The following GFRA1 variants were observed in gnomAD, a reference collection of about 807,000 sequenced individuals.
The protein encoded by GFRA1 is GDNF family receptor alpha 1.
In GFRA1, 16 loss-of-function variants were observed where a neutral mutation model predicts 51.6. That is an observed-to-expected ratio of 0.31 (90% CI 0.21 to 0.47). The LOEUF is 0.47. Ranked by LOEUF, GFRA1 falls within the 20% of genes least tolerant of loss-of-function variation. GFRA1 has a pLI of 1.00. For missense variants in GFRA1, 530 were observed against 594.3 expected (o/e 0.89, Z 1.13); for synonymous variants, 270 against 241.3 (o/e 1.12, Z -1.10).
At position 116,070,759 on chromosome 10, in the gene GFRA1, C is replaced by CTTTTTTT. The variant is rs773344299; in HGVS notation, c.1198-5140_1198-5134dup. ...GGTGGCCCACCTAGAAGTCTGGAGC[C>CTTTTTTT]TTTTTTTTTTTTTTTTTTTTTTGGC... On this transcript the variant is annotated intron_variant, in intron 9 of 10. Transcript: ENST00000355422. Among the ~76,000 whole-genome samples, 39 of 97,658 alleles carry CTTTTTTT rather than the reference C, an allele frequency of 4.0e-4. 1 individual carries two copies. The highest frequency in any genetic ancestry group is 6.4e-4 in the South Asian group (2 of 3,148). The allele number at this position is 97,658 out of a possible 152,430, so 64.1% of individuals were successfully genotyped here.
At chr10:116,167,045 C>T (rs753097759) in intron 5 of GFRA1, among the ~76,000 whole-genome samples, 4 of 151,896 alleles carry the variant, frequency 2.6e-5, no homozygotes, top group African/African-American at 9.7e-5. Context: ...CTGATCCGCC[C>T]GTCTCGGCCT....
chr10:116,074,699 CAG>C (rs2133809243), intron 9 of GFRA1, among the ~76,000 whole-genome samples: 1 of 152,290 alleles, frequency 6.6e-6, no homozygotes, highest in South Asian at 2.1e-4. Flanking sequence ...GTTTCCTCTC[CAG>C]AGAGTCTCAT....
At chr10:116,237,307 C>G (rs1966948110) in intron 4 of GFRA1, among the ~76,000 whole-genome samples, 1 of 152,098 alleles carries the variant, frequency 6.6e-6, no homozygotes, top group African/African-American at 2.4e-5. Context: ...AACCATAAAA[C>G]ATTTAACCAC....
intron 5 of GFRA1, among the ~76,000 whole-genome samples, chr10:116,189,341 A>G (rs1382741168): frequency 6.6e-6 from 1 of 152,128 alleles, no homozygotes; most frequent in Non-Finnish European, 1.5e-5. Context: ...TCCTTGACCA[A>G]CACGTCCTGT....
At position 116,225,562 on chromosome 10, in the gene GFRA1, T is replaced by TAAGA. The variant is rs1966232248; in HGVS notation, c.419-13918_419-13917insTCTT. 2.7e-5 allele frequency among the ~76,000 whole-genome samples: 2 copies of TAAGA among 74,092 alleles called. 1 individual carries two copies. Among genetic ancestry groups the TAAGA allele is most frequent in the African/African-American group, 9.9e-5 (2 of 20,170 alleles). The allele number at this position is 74,092 out of a possible 152,430, so 48.6% of individuals were successfully genotyped here. ...AAAAAAAAAAAAAAAAAAAAAAAAC[T>TAAGA]AAAATGATATTTTGAATGAGCTGTG... is the stretch of plus-strand genomic sequence containing the variant. On this transcript the variant is annotated intron_variant, in intron 4 of 10. Transcript: ENST00000355422.
chr10:116,236,906 A>G (rs1966909538), intron 4 of GFRA1, among the ~76,000 whole-genome samples: 1 of 152,264 alleles, frequency 6.6e-6, no homozygotes, highest in Non-Finnish European at 1.5e-5. Context: ...CAATAATAGC[A>G]AAAATGTAAC....
At chr10:116,078,541 A>T (rs1955712255) in intron 9 of GFRA1, among the ~76,000 whole-genome samples, 1 of 152,160 alleles carries the variant, frequency 6.6e-6, no homozygotes, top group African/African-American at 2.4e-5. Flanking sequence ...AGTCTAGGTG[A>T]GGGGCCTTGC....
At chr10:116,142,768 C>T (rs565811982) in intron 5 of GFRA1, among the ~76,000 whole-genome samples, 18 of 152,214 alleles carry the variant, frequency 1.2e-4, no homozygotes, top group African/African-American at 4.3e-4. Flanking sequence ...GAAACATCAA[C>T]AGTAGAAAAC....
At position 116,096,880 on chromosome 10, in the gene GFRA1, CG is replaced by C. The variant is rs1555148207; in HGVS notation, c.771-117del. ...ATATGCCTTTTTCTGCACACGCACA[CG>C]CACACACACACACACACACATACAC... is the stretch of plus-strand genomic sequence containing the variant. On this transcript the variant is annotated intron_variant, in intron 6 of 10. Coordinates refer to ENST00000355422, the MANE Select transcript of GFRA1 (RefSeq NM_005264.8). The C allele has an allele frequency of 1.2e-3, 188 of 154,078 alleles. 1 individual carries two copies. The highest frequency in any genetic ancestry group is 6.5e-3 in the Middle Eastern group (6 of 930). 9.5% of individuals were successfully genotyped at this position (154,078 alleles called of 1,614,324 possible).
intron 4 of GFRA1, among the ~76,000 whole-genome samples, chr10:116,268,662 C>T (rs977844411): frequency 2.0e-5 from 3 of 152,102 alleles, no homozygotes; most frequent in Non-Finnish European, 4.4e-5. Context: ...TTCAACATTA[C>T]CCATCACGTT....
At chr10:116,126,920 G>T (rs1320861061) in intron 5 of GFRA1, among the ~76,000 whole-genome samples, 2 of 152,168 alleles carry the variant, frequency 1.3e-5, no homozygotes, top group East Asian at 3.9e-4. Context: ...CTTAGAAAAA[G>T]AAGGAAATCC....
At chr10:116,161,162 G>C (rs930241423) in intron 5 of GFRA1, among the ~76,000 whole-genome samples, 1 of 152,184 alleles carries the variant, frequency 6.6e-6, no homozygotes. Flanking sequence ...TGGATAGACA[G>C]GAGGGGTAGG....
chr10:116,204,032 T>A (rs1426489964), intron 5 of GFRA1, among the ~76,000 whole-genome samples: 1 of 152,174 alleles, frequency 6.6e-6, no homozygotes, highest in Non-Finnish European at 1.5e-5. Context: ...TGCAACAAAC[T>A]TGTACTTCTA....
At chr10:116,247,330 T>C (rs1364754987) in intron 4 of GFRA1, among the ~76,000 whole-genome samples, 3 of 152,206 alleles carry the variant, frequency 2.0e-5, no homozygotes, top group Admixed American at 2.0e-4. Context: ...GAGCTGATGT[T>C]ACAACAAACT....
intron 5 of GFRA1, among the ~76,000 whole-genome samples, chr10:116,180,816 G>A (rs543498490): frequency 8.1e-4 from 123 of 152,146 alleles, no homozygotes; most frequent in Non-Finnish European, 6.0e-4. Context: ...TCCAAATAAC[G>A]TTCTTTCTAG....
intron 5 of GFRA1, among the ~76,000 whole-genome samples, chr10:116,206,402 T>C (rs112284475): frequency 0.023 from 3,484 of 152,168 alleles, 151 homozygotes; most frequent in African/African-American, 0.08. Flanking sequence ...AGAGCTCAAG[T>C]CAAGCTCCTG....
intron 5 of GFRA1, among the ~76,000 whole-genome samples, chr10:116,196,685 T>C (rs1193117208): frequency 4.7e-5 from 2 of 42,584 alleles, no homozygotes; most frequent in Admixed American, 3.9e-4. Flanking sequence ...ATATAATATA[T>C]AGTACTATAT....
At chr10:116,193,828 C>T (rs544162162) in intron 5 of GFRA1, among the ~76,000 whole-genome samples, 36 of 151,802 alleles carry the variant, frequency 2.4e-4, no homozygotes, top group Middle Eastern at 3.4e-3. Context: ...GAGGCCTAGG[C>T]GGGTGGATCA....
chr10:116,129,777 T>C (rs1214888635), intron 5 of GFRA1, among the ~76,000 whole-genome samples: 2 of 152,050 alleles, frequency 1.3e-5, no homozygotes, highest in African/African-American at 4.8e-5. Context: ...TATTGATACA[T>C]AGTGTTTGTA....
Sources: gnomAD v4.1 joint callset for allele counts (sites outside exome capture counted in the v4.1 genomes callset) on GRCh38, gnomAD v4.1.1 for gene constraint, MANE v1.5 for transcripts, NCBI Gene and HGNC (gene_info 2026-07-23, HGNC 2026-07-21) for gene names.